Variants in ADAM10 observed in about 807,000 individuals in gnomAD.
The protein encoded by ADAM10 is disintegrin and metalloproteinase domain-containing protein 10.
ADAM10 carries 17 observed loss-of-function variants against 90.1 expected under a neutral mutation model. That is an observed-to-expected ratio of 0.19 (90% CI 0.13 to 0.28). The LOEUF (loss-of-function observed/expected upper bound fraction) is 0.28. ADAM10 is among the 10% of genes least tolerant of loss of function. ADAM10 has a pLI of 1.00. For missense variants in ADAM10, 610 were observed against 914.3 expected (o/e 0.67, Z 4.29); for synonymous variants, 310 against 298.6 (o/e 1.04, Z -0.40).
chr15:58,623,059 GGGAACACATACATCTCAACACA>G (rs1270991157), intron 10 of ADAM10, among the ~76,000 whole-genome samples: 5 of 152,082 alleles, frequency 3.3e-5, no homozygotes, highest in Non-Finnish European at 7.4e-5. Context: ...ATAAGTAGAA[GGGAACACATACATCTCAACACA>G]GGAACCCATA....
chr15:58,714,292 T>TACACACACAC (rs71116591), intron 2 of ADAM10, among the ~76,000 whole-genome samples: 8,132 of 142,890 alleles, frequency 0.057, 393 homozygotes, highest in African/African-American at 0.14. Context: ...TACATACACA[T>TACACACACAC]ACACACACAC....
chr15:58,685,756 A>G (rs374446909), intron 2 of ADAM10, among the ~76,000 whole-genome samples: 6 of 151,866 alleles, frequency 4.0e-5, no homozygotes, highest in African/African-American at 9.6e-5. Context: ...ACCTCATTGT[A>G]TATCTTTTGT....
chr15:58,652,282 G>A lies in ADAM10; in HGVS notation c.586-6078C>T, dbSNP rs145661023. ...CCATTTGTCCATTTTTGCTTTGGTT[G>A]CCTGTGCTTATGGGGTTTTACTCAA... On this transcript the variant is annotated intron_variant, in intron 5 of 15. Transcript: ENST00000260408. 6.8e-3 allele frequency among the ~76,000 whole-genome samples: 1,042 copies of A among 152,224 alleles called. 13 individuals carry two copies. The highest frequency in any genetic ancestry group is 0.024 in the African/African-American group (996 of 41,538).
intron 2 of ADAM10, chr15:58,692,897 T>G: frequency 1.4e-6 from 1 of 689,826 alleles, no homozygotes; most frequent in Non-Finnish European, 2.7e-6. Context: ...GCTCCCAAAT[T>G]ATTTATGAGA....
chr15:58,655,727 A>ATATAG (rs1566982461), intron 5 of ADAM10, among the ~76,000 whole-genome samples: 7 of 99,852 alleles, frequency 7.0e-5, no homozygotes, highest in South Asian at 3.2e-4. Flanking sequence ...ATATATATAT[A>ATATAG]TATATATATA....
rs1367719259 is a variant in ADAM10 at position 58,595,125 on chromosome 15, G to A, written c.*2422C>T. ...AAAACACATAAAAACAAGACCATAA[G>A]TTTTCAAAATGACTCACCTCTTCCA... is the stretch of plus-strand genomic sequence containing the variant. On this transcript the variant is annotated 3_prime_UTR_variant, in exon 16 of 16. Transcript: ENST00000260408. The A allele has an allele frequency of 6.6e-6, 1 of 152,014 alleles. No homozygotes were observed. The highest frequency in any genetic ancestry group is 6.5e-5 in the Admixed American group (1 of 15,268). The allele number at this position is 152,014 out of a possible 1,614,324, so 9.4% of individuals were successfully genotyped here.
intron 9 of ADAM10, among the ~76,000 whole-genome samples, chr15:58,628,498 G>C (rs1385329480): frequency 6.6e-6 from 1 of 152,180 alleles, no homozygotes; most frequent in African/African-American, 2.4e-5. Context: ...AGAGTTCTGT[G>C]TACACGTAAC....
chr15:58,617,084 G>A (rs1895635947), intron 11 of ADAM10, among the ~76,000 whole-genome samples: 1 of 151,368 alleles, frequency 6.6e-6, no homozygotes, highest in South Asian at 2.1e-4. Context: ...ACTCCAGCCT[G>A]GGGAAAAAAG....
At chr15:58,717,109 C>G (rs1479115884) in intron 2 of ADAM10, among the ~76,000 whole-genome samples, 1 of 151,974 alleles carries the variant, frequency 6.6e-6, no homozygotes, top group African/African-American at 2.4e-5. Flanking sequence ...CCTTGACTCC[C>G]CTTTATCACT....
In ADAM10 at chr15:58,712,978, A is replaced by G. The variant is rs141970610; in HGVS notation, c.206+4599T>C. Among the ~76,000 whole-genome samples the G allele has an allele frequency of 8.1e-3, 1,234 of 152,358 alleles. 10 individuals are homozygous for G. The highest frequency in any genetic ancestry group is 0.013 in the Non-Finnish European group (889 of 68,038). On this transcript the variant is annotated intron_variant, in intron 2 of 15. Transcript: ENST00000260408. Reference sequence around the variant, plus strand: ...TTCGAACAAAAATCCTGCATCCCACAATATGACAAATCTGCTTACTACTTA... The same window carrying G: ...TTCGAACAAAAATCCTGCATCCCACGATATGACAAATCTGCTTACTACTTA...
intron 8 of ADAM10, among the ~76,000 whole-genome samples, chr15:58,637,320 C>T (rs944881759): frequency 1.3e-5 from 2 of 152,140 alleles, no homozygotes; most frequent in African/African-American, 2.4e-5. Context: ...CCTCATTCAA[C>T]GACCAAGCCG....
At position 58,593,146 on chromosome 15, in the gene ADAM10, C is replaced by A. The variant is rs1290982352; in HGVS notation, c.*4401G>T. ...AAAAAAGTAACAAAGGCCAGGTACT[C>A]AAATTTTTTTTTTTTTTTTTTTTTT... On this transcript the variant is annotated 3_prime_UTR_variant, in exon 16 of 16. Transcript: ENST00000260408. The A allele has an allele frequency of 9.8e-6, 1 of 101,928 alleles. No homozygotes were observed. Among genetic ancestry groups the A allele is most frequent in the African/African-American group, 3.5e-5 (1 of 28,844 alleles). The allele number at this position is 101,928 out of a possible 1,614,324, so 6.3% of individuals were successfully genotyped here. A position where few individuals can be genotyped will look rare whatever the true frequency, so the allele number is the denominator to read the frequency against.
intron 4 of ADAM10, among the ~76,000 whole-genome samples, chr15:58,675,882 A>T (rs1490674896): frequency 6.6e-6 from 1 of 152,134 alleles, no homozygotes; most frequent in Non-Finnish European, 1.5e-5. Flanking sequence ...TGCCTCCCCT[A>T]CCATTTGCTT....
intron 10 of ADAM10, 89 bp from the exon 11 acceptor site, chr15:58,621,710 A>G: frequency 6.6e-7 from 1 of 1,508,488 alleles, no homozygotes; most frequent in Non-Finnish European, 9.1e-7. Context: ...ATCATAACAA[A>G]GGGATAAAGG....
intron 11 of ADAM10, among the ~76,000 whole-genome samples, chr15:58,617,545 G>A (rs1895652757): frequency 6.6e-6 from 1 of 152,152 alleles, no homozygotes; most frequent in Non-Finnish European, 1.5e-5. Flanking sequence ...ATATAGTAAT[G>A]GAAGTCTGAG....
At chr15:58,677,565 G>A (rs1356302587) in intron 4 of ADAM10, among the ~76,000 whole-genome samples, 11 of 152,084 alleles carry the variant, frequency 7.2e-5, no homozygotes, top group African/African-American at 2.7e-4. Flanking sequence ...CACACAAGTA[G>A]ATAACAGAAG....
intron 2 of ADAM10, among the ~76,000 whole-genome samples, chr15:58,685,943 A>G (rs999127481): frequency 6.6e-6 from 1 of 152,196 alleles, no homozygotes; most frequent in African/African-American, 2.4e-5. Context: ...ACAATGGTGG[A>G]GAAACCATTA....
At chr15:58,727,874 TAAAA>T (rs1266272319) in intron 1 of ADAM10, among the ~76,000 whole-genome samples, 2 of 151,798 alleles carry the variant, frequency 1.3e-5, no homozygotes, top group Non-Finnish European at 2.9e-5. Context: ...TTTATGTACA[TAAAA>T]AAAGCTTCAA....
intron 6 of ADAM10, among the ~76,000 whole-genome samples, chr15:58,644,717 G>T (rs1372557936): frequency 5.3e-5 from 8 of 152,128 alleles, no homozygotes; most frequent in Admixed American, 1.3e-4. Context: ...GTCATTCCCT[G>T]ACTTTAATCC....
Sources: gnomAD v4.1 joint callset for allele counts (sites outside exome capture counted in the v4.1 genomes callset) on GRCh38, gnomAD v4.1.1 for gene constraint, MANE v1.5 for transcripts, NCBI Gene and HGNC (gene_info 2026-07-23, HGNC 2026-07-21) for gene names.